Variants in NTM observed in about 807,000 individuals in gnomAD.
NTM encodes the protein IgLON family member 2.
In NTM, 13 loss-of-function variants were observed where a neutral mutation model predicts 42.1. The ratio of observed to expected loss-of-function variants is 0.31; its 90% CI spans 0.20 to 0.49. The LOEUF (loss-of-function observed/expected upper bound fraction) is 0.49, where lower values mean the gene tolerates loss of function less well. Among genes scored for constraint, NTM ranks in the 20% least tolerant of loss-of-function variants. NTM has a pLI of 0.99. For missense variants in NTM, 373 were observed against 452.8 expected (o/e 0.82, Z 1.60); for synonymous variants, 187 against 179.2 (o/e 1.04, Z -0.35).
At chr11:131,735,000 T>C (rs1179989845) in intron 1 of NTM, among the ~76,000 whole-genome samples, 2 of 152,182 alleles carry the variant, frequency 1.3e-5, no homozygotes, top group Non-Finnish European at 2.9e-5. Flanking sequence ...ACGAGGAATA[T>C]GTGACAAAAT....
intron 1 of NTM, among the ~76,000 whole-genome samples, chr11:131,819,800 T>G (rs1435808765): frequency 1.3e-5 from 2 of 152,128 alleles, no homozygotes; most frequent in Middle Eastern, 3.2e-3. Context: ...TTATTTACCT[T>G]TAATTAGAAT....
At chr11:132,084,950 A>G (rs908376380) in intron 2 of NTM, among the ~76,000 whole-genome samples, 7 of 152,180 alleles carry the variant, frequency 4.6e-5, no homozygotes, top group Admixed American at 4.6e-4. Flanking sequence ...ATTCTTGTAA[A>G]TCTTTTATAA....
chr11:132,065,737 G>A (rs755920583), intron 2 of NTM, among the ~76,000 whole-genome samples: 1 of 152,088 alleles, frequency 6.6e-6, no homozygotes, highest in Admixed American at 6.5e-5. Context: ...TCTGTTACTG[G>A]GTACTTGGTT....
chr11:132,187,251 G>GT (rs2078578927), intron 3 of NTM, among the ~76,000 whole-genome samples: 1 of 151,848 alleles, frequency 6.6e-6, no homozygotes, highest in Non-Finnish European at 1.5e-5. Flanking sequence ...GTGTGTGCGT[G>GT]TGCGTGTTTT....
chr11:132,055,544 G>T (rs2079506757), intron 2 of NTM, among the ~76,000 whole-genome samples: 1 of 152,184 alleles, frequency 6.6e-6, no homozygotes, highest in African/African-American at 2.4e-5. Context: ...AGCCTGGGAC[G>T]ACAGGCAGGG....
intron 2 of NTM, among the ~76,000 whole-genome samples, chr11:132,042,250 G>A (rs767540005): frequency 2.0e-5 from 3 of 152,098 alleles, no homozygotes; most frequent in Non-Finnish European, 4.4e-5. Flanking sequence ...GCAGCCCCTC[G>A]TTCCTGTTCT....
intron 2 of NTM, among the ~76,000 whole-genome samples, chr11:132,117,786 C>T (rs2064116577): frequency 6.6e-6 from 1 of 152,166 alleles, no homozygotes. Context: ...TGCTCTGTTT[C>T]TGAATCTAAG....
chr11:132,286,785 G>T (rs2094254192), intron 4 of NTM, among the ~76,000 whole-genome samples: 1 of 152,188 alleles, frequency 6.6e-6, no homozygotes, highest in Non-Finnish European at 1.5e-5. Context: ...TGACCACCAT[G>T]ACAATGGTGT....
chr11:131,635,750 C>T (rs1395145694), intron 1 of NTM, among the ~76,000 whole-genome samples: 2 of 151,956 alleles, frequency 1.3e-5, no homozygotes, highest in African/African-American at 2.4e-5. Flanking sequence ...TGTCCTAGGC[C>T]TTCATATTCC....
intron 1 of NTM, among the ~76,000 whole-genome samples, chr11:131,614,705 T>C (rs531377469): frequency 6.6e-6 from 1 of 152,342 alleles, no homozygotes; most frequent in African/African-American, 2.4e-5. Context: ...GTTGTACAAC[T>C]GCCATTGTCT....
rs192865308 is a variant in NTM, at chr11:132,185,633, C to T, written c.401-26389C>T. On this transcript the variant is annotated intron_variant, in intron 3 of 8. Transcript: ENST00000683400. The stretch of plus-strand genomic sequence containing the variant: ...GTATTGCTAACTTTGCTGCATATAA[C>T]GCAAATCTCTCCATTAATAAAGAAA... Among the ~76,000 whole-genome samples, 15 of 152,256 alleles carry T rather than the reference C, an allele frequency of 9.9e-5. No individual in the cohort carries two copies. In the East Asian group the frequency reaches 1.7e-3, roughly 18 times the overall value.
intron 1 of NTM, chr11:131,661,235 G>A: frequency 3.1e-6 from 1 of 321,822 alleles, no homozygotes; most frequent in South Asian, 3.3e-5. Flanking sequence ...TTTTGCTAGA[G>A]GTCTTTCCTG....
At chr11:131,465,084 G>A (rs1951763709) in intron 1 of NTM, among the ~76,000 whole-genome samples, 1 of 152,208 alleles carries the variant, frequency 6.6e-6, no homozygotes, top group Non-Finnish European at 1.5e-5. Context: ...TCCAAGAATG[G>A]ATGACCCCAG....
intron 2 of NTM, among the ~76,000 whole-genome samples, chr11:132,135,494 C>T (rs1312400678): frequency 1.3e-5 from 2 of 152,176 alleles, no homozygotes. Flanking sequence ...GGAGAACAGG[C>T]AGAAGGTGTA....
intron 1 of NTM, among the ~76,000 whole-genome samples, chr11:131,522,973 T>C (rs2049953594): frequency 6.6e-6 from 1 of 152,236 alleles, no homozygotes; most frequent in Non-Finnish European, 1.5e-5. Context: ...ACCAGAGCTA[T>C]GAGTTACTGG....
At chr11:131,636,322 C>T (rs1300113329) in intron 1 of NTM, among the ~76,000 whole-genome samples, 1 of 152,178 alleles carries the variant, frequency 6.6e-6, no homozygotes, top group Non-Finnish European at 1.5e-5. Context: ...ATAGCTGTCT[C>T]TTGGTATCTG....
At chr11:131,883,649 C>T (rs1382661525) in intron 1 of NTM, among the ~76,000 whole-genome samples, 2 of 152,174 alleles carry the variant, frequency 1.3e-5, no homozygotes, top group Admixed American at 6.5e-5. Context: ...CCATACCGTG[C>T]ACATTCTCTT....
At chr11:131,914,888 A>G (rs1218768118) in intron 2 of NTM, among the ~76,000 whole-genome samples, 2 of 152,238 alleles carry the variant, frequency 1.3e-5, no homozygotes, top group East Asian at 3.9e-4. Context: ...TCATGACATT[A>G]ACACTTTAAT....
chr11:131,738,258 T>C (rs2080741108), intron 1 of NTM, among the ~76,000 whole-genome samples: 5 of 152,152 alleles, frequency 3.3e-5, no homozygotes. Flanking sequence ...TGCCACAGTG[T>C]GGGGGTGAAT....
Sources: allele counts gnomAD v4.1 joint callset (sites outside exome capture counted in the v4.1 genomes callset), GRCh38; gene constraint gnomAD v4.1.1; transcripts MANE v1.5; gene names NCBI Gene and HGNC (gene_info 2026-07-23, HGNC 2026-07-21).